RNF111: variants seen among roughly 807,000 people sequenced by gnomAD.
The protein encoded by RNF111 is ring finger protein 111, also known as E3 ubiquitin-protein ligase Arkadia.
RNF111 carries 17 observed loss-of-function variants against 95.1 expected under a neutral mutation model. The ratio of observed to expected loss-of-function variants is 0.18; its 90% CI spans 0.12 to 0.27. The LOEUF (loss-of-function observed/expected upper bound fraction) is 0.27. RNF111 is among the 10% of genes least tolerant of loss of function. The probability of loss-of-function intolerance (pLI) is 1.00; values close to 1 mark genes in which losing one functional copy is unlikely to be tolerated. For missense variants in RNF111, 1,189 were observed against 1,210.4 expected, an observed-to-expected ratio of 0.98 and a Z score of 0.26; for synonymous variants, 440 against 414.8, an observed-to-expected ratio of 1.06 and a Z score of -0.74.
chr15:58,992,635 T>G (rs2038869479), intron 1 of RNF111, among the ~76,000 whole-genome samples: 1 of 151,768 alleles, frequency 6.6e-6, no homozygotes, highest in Admixed American at 6.6e-5. Flanking sequence ...CTGGGCAATG[T>G]GACGAAATTC....
intron 1 of RNF111, among the ~76,000 whole-genome samples, chr15:59,021,431 A>G (rs2040338284): frequency 6.6e-6 from 1 of 152,178 alleles, no homozygotes; most frequent in Non-Finnish European, 1.5e-5. Context: ...GATTATAGGT[A>G]TGAACCACCA....
At chr15:59,093,720 T>C (rs140230887) in intron 13 of RNF111, among the ~76,000 whole-genome samples, 17 of 152,316 alleles carry the variant, frequency 1.1e-4, no homozygotes, top group African/African-American at 4.1e-4. Flanking sequence ...AGGTTCTATA[T>C]CATATATAAC....
At chr15:59,081,649 G>A (rs548162198) in intron 8 of RNF111, among the ~76,000 whole-genome samples, 8 of 152,170 alleles carry the variant, frequency 5.3e-5, no homozygotes, top group Non-Finnish European at 1.2e-4. Context: ...TTTGAGCCCA[G>A]GAGTTCAAAG....
chr15:59,084,124 T>C lies in RNF111; in HGVS notation c.2298-5T>C. On this transcript the variant is annotated splice_region_variant and splice_polypyrimidine_tract_variant and intron_variant, in intron 8 of 13. Coordinates refer to ENST00000348370, the MANE Select transcript of RNF111 (RefSeq NM_017610.8). Reference sequence around the variant, plus strand: ...CAGTGGTCTTTTTGTGTTCTGTGTTTCCAGGCGGGCACATGAACGCCCCCC... The same window carrying C: ...CAGTGGTCTTTTTGTGTTCTGTGTTCCCAGGCGGGCACATGAACGCCCCCC... 1 of 1,582,446 alleles carries C rather than the reference T, an allele frequency of 6.3e-7. No individual in the cohort carries two copies. The highest frequency in any genetic ancestry group is 1.2e-5 in the South Asian group (1 of 84,214).
intron 2 of RNF111, among the ~76,000 whole-genome samples, chr15:59,046,529 G>A (rs111822217): frequency 6.6e-6 from 1 of 152,174 alleles, no homozygotes; most frequent in Non-Finnish European, 1.5e-5. Flanking sequence ...TTCATATGCA[G>A]AAAAGATAAA....
chr15:59,070,772 C>A (rs2042888302), intron 6 of RNF111, among the ~76,000 whole-genome samples: 1 of 152,112 alleles, frequency 6.6e-6, no homozygotes, highest in Admixed American at 6.6e-5. Flanking sequence ...CCCCCTAAAC[C>A]TAGAGCTCAC....
At chr15:59,040,139 C>T (rs1409696537) in intron 2 of RNF111, among the ~76,000 whole-genome samples, 3 of 151,106 alleles carry the variant, frequency 2.0e-5, no homozygotes, top group African/African-American at 4.9e-5. Context: ...TTTAAAGGGA[C>T]GGTCTCACTC....
intron 10 of RNF111, among the ~76,000 whole-genome samples, chr15:59,087,705 G>A (rs1179598324): frequency 1.3e-5 from 2 of 152,148 alleles, no homozygotes; most frequent in African/African-American, 4.8e-5. Context: ...TGAAGAGTAG[G>A]AAAAGGAGGG....
Position 59,031,284 on chromosome 15 carries a change from T to A in RNF111, c.462T>A (p.Thr154=). Residue 154 remains threonine, a synonymous_variant, in exon 2 of 14, where the codon ACT becomes ACA. Coordinates refer to ENST00000348370, the MANE Select transcript of RNF111 (RefSeq NM_017610.8). ...SLHFGDSDTV[T]SDEDKEVSVR... ...ATTTTGGAGATTCTGATACTGTGAC[T>A]TCAGATGAGGATAAAGAAGTCTCTG... The A allele has an allele frequency of 6.2e-7, 1 of 1,614,152 alleles. No individual in the cohort carries two copies. Among genetic ancestry groups the A allele is most frequent in the Non-Finnish European group, 8.5e-7 (1 of 1,180,022 alleles).
chr15:59,034,852 A>G (rs1316715409), intron 2 of RNF111, among the ~76,000 whole-genome samples: 1 of 152,250 alleles, frequency 6.6e-6, no homozygotes, highest in Non-Finnish European at 1.5e-5. Flanking sequence ...TATGATTTGT[A>G]TGGATGAATG....
intron 1 of RNF111, among the ~76,000 whole-genome samples, chr15:59,026,488 C>T (rs1223976637): frequency 6.6e-6 from 1 of 152,114 alleles, no homozygotes; most frequent in East Asian, 1.9e-4. Flanking sequence ...TTTATAATGT[C>T]ACCAAGGAGA....
intron 1 of RNF111, among the ~76,000 whole-genome samples, chr15:58,991,335 C>T (rs1303198194): frequency 6.6e-5 from 10 of 151,988 alleles, no homozygotes; most frequent in East Asian, 1.9e-4. Flanking sequence ...CTTAGCTGAG[C>T]TTACATTTTA....
intron 10 of RNF111, among the ~76,000 whole-genome samples, chr15:59,086,512 A>G (rs1385476045): frequency 2.6e-5 from 4 of 152,242 alleles, no homozygotes; most frequent in African/African-American, 9.6e-5. Context: ...AAGTTCAGCA[A>G]AACATACATT....
intron 1 of RNF111, among the ~76,000 whole-genome samples, chr15:59,024,939 GTCT>G (rs2040526410): frequency 6.6e-6 from 1 of 152,162 alleles, no homozygotes; most frequent in South Asian, 2.1e-4. Context: ...GTCTTGTTGT[GTCT>G]TCTTATTTCA....
At chr15:59,078,340 A>G (rs1281984318) in intron 7 of RNF111, among the ~76,000 whole-genome samples, 1 of 152,138 alleles carries the variant, frequency 6.6e-6, no homozygotes, top group Admixed American at 6.6e-5. Flanking sequence ...TTGAAATGCT[A>G]TTATTTAAAA....
intron 1 of RNF111, among the ~76,000 whole-genome samples, chr15:58,995,909 A>G (rs1227325554): frequency 4.0e-5 from 6 of 151,342 alleles, no homozygotes; most frequent in East Asian, 1.9e-4. Context: ...GAGCAATCCA[A>G]TTTGCTGTTG....
intron 1 of RNF111, among the ~76,000 whole-genome samples, chr15:59,021,595 C>T (rs1010984119): frequency 3.3e-5 from 5 of 152,164 alleles, no homozygotes; most frequent in African/African-American, 4.8e-5. Context: ...TAGGTACTCT[C>T]ATTTAACCGT....
chr15:59,015,877 A>T (rs1042810593), intron 1 of RNF111, among the ~76,000 whole-genome samples: 5 of 151,980 alleles, frequency 3.3e-5, no homozygotes, highest in African/African-American at 1.2e-4. Context: ...TATTTATTCG[A>T]GACAGGTTCT....
Position 59,004,246 on chromosome 15 carries a change from A to G in RNF111, c.-20+16178A>G, listed in dbSNP as rs139804208. 3.0e-4 allele frequency: 139 copies of G among 466,448 alleles called. 1 individual carries two copies. The highest frequency in any genetic ancestry group is 2.0e-3 in the African/African-American group (97 of 47,910). 28.9% of individuals were successfully genotyped at this position (466,448 alleles called of 1,614,324 possible). A position where few individuals can be genotyped will look rare whatever the true frequency, so the allele number is the denominator to read the frequency against. ...AAAATACTCCTTCTTTTCTCTCCCA[A>G]TTATCTTTACTGATCCTTAGTTGTC... is the stretch of plus-strand genomic sequence containing the variant. On this transcript the variant is annotated intron_variant, in intron 1 of 13. Transcript: ENST00000348370.
Sources: allele counts gnomAD v4.1 joint callset (sites outside exome capture counted in the v4.1 genomes callset), GRCh38; gene constraint gnomAD v4.1.1; transcripts MANE v1.5; gene names NCBI Gene and HGNC (gene_info 2026-07-23, HGNC 2026-07-21).